CSMD3: variants seen among roughly 807,000 people sequenced by gnomAD.
CSMD3 encodes CUB and Sushi multiple domains 3.
A neutral mutation model predicts 435.2 loss-of-function variants in CSMD3; 177 were observed. The ratio of observed to expected loss-of-function variants is 0.41; its 90% CI spans 0.36 to 0.46. The LOEUF (loss-of-function observed/expected upper bound fraction) is 0.46, where lower values mean the gene tolerates loss of function less well. Among genes scored for constraint, CSMD3 ranks in the 20% least tolerant of loss-of-function variants. The pLI, the probability that CSMD3 is intolerant of heterozygous loss-of-function variation, is 0.34. For missense variants in CSMD3, 4,265 were observed against 4,504.6 expected, an observed-to-expected ratio of 0.95 and a Z score of 1.52; for synonymous variants, 1,656 against 1,520.5, an observed-to-expected ratio of 1.09 and a Z score of -2.07.
chr8:113,278,459 T>C (rs1218818538), intron 3 of CSMD3, 133 bp downstream of exon 3: 2 of 668,222 alleles, frequency 3.0e-6, no homozygotes, highest in Non-Finnish European at 5.6e-6. Flanking sequence ...TAATGATTAA[T>C]AACAAGATAA....
chr8:113,429,065 A>G (rs2094653843), intron 1 of CSMD3, among the ~76,000 whole-genome samples: 1 of 151,792 alleles, frequency 6.6e-6, no homozygotes, highest in Non-Finnish European at 1.5e-5. Flanking sequence ...TTTTCTGAAC[A>G]TTTCAACTCC....
chr8:113,150,599 A>G (rs781607274), intron 4 of CSMD3, among the ~76,000 whole-genome samples: 1 of 151,956 alleles, frequency 6.6e-6, no homozygotes, highest in African/African-American at 2.4e-5. Flanking sequence ...ACACTATGAG[A>G]TAATTTTTGC....
intron 3 of CSMD3, among the ~76,000 whole-genome samples, chr8:113,255,406 T>C (rs1336703288): frequency 3.3e-5 from 5 of 152,094 alleles, no homozygotes; most frequent in Non-Finnish European, 5.9e-5. Flanking sequence ...GCATATCTGA[T>C]GATATTTCTA....
chr8:113,337,832 T>G (rs558870941), intron 1 of CSMD3, among the ~76,000 whole-genome samples: 75 of 146,696 alleles, frequency 5.1e-4, no homozygotes, highest in Non-Finnish European at 9.1e-4. Flanking sequence ...ACTAAGAAAG[T>G]AAATTATAAG....
rs1326612792 is a variant in CSMD3 at position 112,545,494 on chromosome 8, A to AAT, written c.4564+5176_4564+5177insAT. Among the ~76,000 whole-genome samples the AAT allele has an allele frequency of 2.8e-5, 4 of 143,132 alleles. No individual in the cohort carries two copies. The East Asian group carries it at 6.0e-4, about 21-fold the overall frequency. 93.9% of individuals were successfully genotyped at this position (143,132 alleles called of 152,430 possible). ...CGAGACTCCATCTCAAAAAAAAAAA[A>AAT]AAAAAAAAATAATAATAATAATAAT... On this transcript the variant is annotated intron_variant, in intron 27 of 70. Transcript: ENST00000297405.
At chr8:112,904,816 A>G (rs1564087822) in intron 10 of CSMD3, among the ~76,000 whole-genome samples, 2 of 151,332 alleles carry the variant, frequency 1.3e-5, no homozygotes, top group Non-Finnish European at 3.0e-5. Flanking sequence ...AAGTATCTAC[A>G]TTAAAGATTT....
At chr8:113,180,937 G>A (rs932206391) in intron 3 of CSMD3, among the ~76,000 whole-genome samples, 3 of 151,972 alleles carry the variant, frequency 2.0e-5, no homozygotes, top group Admixed American at 6.6e-5. Context: ...ACATGAGGCC[G>A]CATTTGCCGT....
At chr8:112,851,838 A>G (rs1280136757) in intron 11 of CSMD3, among the ~76,000 whole-genome samples, 1 of 152,150 alleles carries the variant, frequency 6.6e-6, no homozygotes, top group Non-Finnish European at 1.5e-5. Flanking sequence ...ATACATACTT[A>G]TTTGAATGAA....
At chr8:112,304,381 T>G (rs1000807545) in intron 52 of CSMD3, among the ~76,000 whole-genome samples, 1 of 151,736 alleles carries the variant, frequency 6.6e-6, no homozygotes, top group Non-Finnish European at 1.5e-5. Flanking sequence ...GCAAAGGTTT[T>G]TTTTTTTTTT....
At chr8:112,564,558 G>A (rs1828916665) in intron 24 of CSMD3, among the ~76,000 whole-genome samples, 1 of 152,014 alleles carries the variant, frequency 6.6e-6, no homozygotes, top group African/African-American at 2.4e-5. Context: ...GACCACTGCT[G>A]GCTTTCAGGA....
At chr8:112,644,698 A>T (rs976028520) in intron 20 of CSMD3, among the ~76,000 whole-genome samples, 2 of 152,090 alleles carry the variant, frequency 1.3e-5, no homozygotes, top group African/African-American at 4.8e-5. Context: ...AATTATAAAC[A>T]AGTATATATA....
chr8:112,631,206 C>T (rs373772485), intron 22 of CSMD3, among the ~76,000 whole-genome samples: 1 of 152,084 alleles, frequency 6.6e-6, no homozygotes, highest in Non-Finnish European at 1.5e-5. Flanking sequence ...CAAACTATGG[C>T]TCCACAGCCA....
intron 27 of CSMD3, among the ~76,000 whole-genome samples, chr8:112,541,434 C>T (rs1440980836): frequency 6.6e-6 from 1 of 151,330 alleles, no homozygotes; most frequent in African/African-American, 2.4e-5. Flanking sequence ...AAGAATAATG[C>T]TACAGAAATA....
At chr8:113,168,010 A>G (rs1343965469) in intron 4 of CSMD3, among the ~76,000 whole-genome samples, 4 of 152,192 alleles carry the variant, frequency 2.6e-5, no homozygotes, top group East Asian at 1.9e-4. Context: ...CAAACCGTCA[A>G]TGCTTCAATC....
At chr8:112,642,724 G>GA (rs11431906) in intron 20 of CSMD3, among the ~76,000 whole-genome samples, 53,340 of 151,718 alleles carry the variant, frequency 0.35, 10,042 homozygotes, top group African/African-American at 0.49. Flanking sequence ...ACTGAAGATA[G>GA]AAAAAAGCAA....
rs558564131 is a variant in CSMD3, at chr8:112,284,126, T to C, written c.9332-2776A>G. Among the ~76,000 whole-genome samples the C allele has an allele frequency of 2.0e-5, 3 of 152,038 alleles. No individual in the cohort carries two copies. In the South Asian group the frequency reaches 6.2e-4, roughly 31 times the overall value. ...TTATAACAATACACACTTGTATTGA[T>C]AGCATAAAACTTTGCTTGTGTTCAC... On this transcript the variant is annotated intron_variant, in intron 58 of 70. Transcript: ENST00000297405.
chr8:112,470,163 A>C (rs1391458334), intron 32 of CSMD3, among the ~76,000 whole-genome samples: 1 of 152,204 alleles, frequency 6.6e-6, no homozygotes, highest in African/African-American at 2.4e-5. Context: ...AGATGATTGA[A>C]TAGTCACTGG....
intron 2 of CSMD3, among the ~76,000 whole-genome samples, chr8:113,280,051 T>G (rs1168770870): frequency 6.6e-6 from 1 of 151,876 alleles, no homozygotes; most frequent in Non-Finnish European, 1.5e-5. Flanking sequence ...TTTGGTATGT[T>G]TTTGGATTCG....
At chr8:112,788,257 C>T (rs892419703) in intron 13 of CSMD3, among the ~76,000 whole-genome samples, 2 of 152,168 alleles carry the variant, frequency 1.3e-5, no homozygotes, top group African/African-American at 4.8e-5. Context: ...GAGAAATGGA[C>T]ATCTTTTGTC....
Sources: gnomAD v4.1 joint callset for allele counts (sites outside exome capture counted in the v4.1 genomes callset) on GRCh38, gnomAD v4.1.1 for gene constraint, MANE v1.5 for transcripts, NCBI Gene and HGNC (gene_info 2026-07-23, HGNC 2026-07-21) for gene names.